RUNX3: variants seen among roughly 807,000 people sequenced by gnomAD.
The protein encoded by RUNX3 is runt-related transcription factor 3.
Under a neutral mutation model 27.7 loss-of-function variants are expected in RUNX3, and 10 were observed. The ratio of observed to expected loss-of-function variants is 0.36; its 90% CI spans 0.22 to 0.61. The LOEUF is 0.61. Among genes scored for constraint, RUNX3 ranks in the 20% least tolerant of loss-of-function variants. RUNX3 has a pLI of 0.72. For missense variants in RUNX3, 469 were observed against 629.5 expected (o/e 0.75, Z 2.73); for synonymous variants, 270 against 269.2 (o/e 1.00, Z -0.03).
rs916855652 is a variant in RUNX3 at position 24,899,950 on chromosome 1, G to C, written c.*2172C>G. The C allele has an allele frequency of 2.6e-5, 4 of 152,458 alleles. No homozygotes were observed. The highest frequency in any genetic ancestry group is 5.9e-5 in the Non-Finnish European group (4 of 68,152). 9.4% of individuals were successfully genotyped at this position (152,458 alleles called of 1,614,324 possible). On this transcript the variant is annotated 3_prime_UTR_variant, in exon 5 of 5. Coordinates refer to ENST00000308873, the MANE Select transcript of RUNX3 (RefSeq NM_004350.3). ...GTACGGCTGCCGTCACTTTTTGTCA[G>C]GGGATGGGGGATGGGGTAGGAAGAG... is the stretch of plus-strand genomic sequence containing the variant.
At chr1:24,942,131 A>C (rs1031296529) in intron 2 of RUNX3, among the ~76,000 whole-genome samples, 2 of 152,074 alleles carry the variant, frequency 1.3e-5, no homozygotes, top group African/African-American at 2.4e-5. Flanking sequence ...TCCTCAGGGG[A>C]AAAGGTTCCC....
chr1:24,957,415 G>A (rs1641969077), intron 2 of RUNX3, among the ~76,000 whole-genome samples: 1 of 152,174 alleles, frequency 6.6e-6, no homozygotes, highest in African/African-American at 2.4e-5. Flanking sequence ...CATTCAGTGA[G>A]AAGGGCTGAA....
upstream of RUNX3, among the ~76,000 whole-genome samples, chr1:24,931,062 G>A (rs1480845011): frequency 1.3e-5 from 2 of 152,256 alleles, no homozygotes; most frequent in Non-Finnish European, 2.9e-5. Flanking sequence ...AACACGACGA[G>A]GCCTGCAAAA....
intron 2 of RUNX3, among the ~76,000 whole-genome samples, chr1:24,944,986 T>C (rs375523772): frequency 6.2e-4 from 95 of 152,350 alleles, no homozygotes; most frequent in African/African-American, 2.2e-3. Context: ...CCTTCCTTGA[T>C]TGACAGTTCC....
At chr1:24,925,516 C>A (rs1392800029) in intron 2 of RUNX3, among the ~76,000 whole-genome samples, 1 of 152,216 alleles carries the variant, frequency 6.6e-6, no homozygotes, top group Non-Finnish European at 1.5e-5. Flanking sequence ...GTACCATTAT[C>A]ATCCCCATCT....
In RUNX3 at chr1:24,962,576, G is replaced by A. The variant is rs552499707; in HGVS notation, c.58+1938C>T. ...AGCAGAAATGAACAGGAGAGAGAAGGCTGAAGAGGGGAGACAGGTCTCCAC... is the reference window on the plus strand; with the variant it reads ...AGCAGAAATGAACAGGAGAGAGAAGACTGAAGAGGGGAGACAGGTCTCCAC... On this transcript the variant is annotated intron_variant, in intron 2 of 6. Transcript: ENST00000338888. This position sits in a 1 kb window ranked among gnomAD's most constrained non-coding sequence, Gnocchi z 4.5. 1.3e-5 allele frequency among the ~76,000 whole-genome samples: 2 copies of A among 152,222 alleles called. No individual in the cohort carries two copies. Among genetic ancestry groups the A allele is most frequent in the Non-Finnish European group, 2.9e-5 (2 of 68,024 alleles).
In RUNX3 at chr1:24,908,173, C is replaced by T. The variant is rs1412375604; in HGVS notation, c.545-756G>A. Among the ~76,000 whole-genome samples, 6 of 119,630 alleles carry T rather than the reference C, an allele frequency of 5.0e-5. 1 individual carries two copies. The highest frequency in any genetic ancestry group is 1.5e-4 in the African/African-American group (4 of 26,578). The allele number at this position is 119,630 out of a possible 152,430, so 78.5% of individuals were successfully genotyped here. On this transcript the variant is annotated intron_variant, in intron 3 of 4. Coordinates refer to ENST00000308873, the MANE Select transcript of RUNX3 (RefSeq NM_004350.3). ...CGAACCTCTACGACACGCGGTGATCCGAAGCTCTACGACACGCGGTGATCC... is the reference window on the plus strand; with the variant it reads ...CGAACCTCTACGACACGCGGTGATCTGAAGCTCTACGACACGCGGTGATCC...
intron 2 of RUNX3, among the ~76,000 whole-genome samples, chr1:24,920,864 G>T (rs538005582): frequency 2.6e-5 from 4 of 151,224 alleles, no homozygotes; most frequent in African/African-American, 9.9e-5. Context: ...CTGGGAGTTT[G>T]GGGGTCTGGG....
intron 3 of RUNX3, among the ~76,000 whole-genome samples, chr1:24,909,131 C>A (rs971631070): frequency 6.6e-6 from 1 of 152,204 alleles, no homozygotes; most frequent in Non-Finnish European, 1.5e-5. Flanking sequence ...CAGGCTCCCA[C>A]CCTCCTGCGG....
At chr1:24,940,001 G>T (rs1641439595) in intron 2 of RUNX3, among the ~76,000 whole-genome samples, 2 of 152,248 alleles carry the variant, frequency 1.3e-5, no homozygotes, top group East Asian at 3.9e-4. Context: ...GCATGGGGAA[G>T]AGCACTGAAA....
chr1:24,930,462 G>A (rs1396369839), upstream of RUNX3, among the ~76,000 whole-genome samples: 3 of 151,790 alleles, frequency 2.0e-5, no homozygotes, highest in South Asian at 6.2e-4. This position sits in a 1 kb window ranked among gnomAD's most constrained non-coding sequence, Gnocchi z 4.1. Context: ...ACCCCGCGGA[G>A]GAGGCCCCAG....
intron 3 of RUNX3, among the ~76,000 whole-genome samples, chr1:24,912,358 C>CCTG (rs1332696027): frequency 1.3e-5 from 2 of 152,328 alleles, no homozygotes; most frequent in East Asian, 3.9e-4. Context: ...ACCACTTCTT[C>CCTG]CTGCTGCTGC....
At chr1:24,909,825 G>A (rs1288047589) in intron 3 of RUNX3, among the ~76,000 whole-genome samples, 4 of 152,198 alleles carry the variant, frequency 2.6e-5, no homozygotes, top group Non-Finnish European at 4.4e-5. Context: ...ACCCTAACAC[G>A]GTCACGGCCA....
intron 2 of RUNX3, among the ~76,000 whole-genome samples, chr1:24,953,858 C>T (rs1468951278): frequency 6.6e-6 from 1 of 152,106 alleles, no homozygotes; most frequent in Non-Finnish European, 1.5e-5. Context: ...AATTTGAATG[C>T]TTCTGGTCCC....
intron 2 of RUNX3, among the ~76,000 whole-genome samples, chr1:24,921,921 T>C (rs1641007823): frequency 1.3e-5 from 2 of 152,324 alleles, no homozygotes; most frequent in Admixed American, 1.3e-4. Context: ...AGGCCTTCCC[T>C]GGTCACTTTA....
Position 24,900,612 on chromosome 1 carries a change from T to G in RUNX3, c.*1510A>C, listed in dbSNP as rs1640519682. On this transcript the variant is annotated 3_prime_UTR_variant, in exon 5 of 5. Coordinates refer to ENST00000308873, the MANE Select transcript of RUNX3 (RefSeq NM_004350.3). ...GAACGCAGTGCAGCTGAGCTGCGGC[T>G]GGAGAGCCCTTTACAGTGCTTCTGT... 6.6e-6 allele frequency: 1 copy of G among 152,412 alleles called. No individual in the cohort carries two copies. Among genetic ancestry groups the G allele is most frequent in the Non-Finnish European group, 1.5e-5 (1 of 68,058 alleles). 9.4% of individuals were successfully genotyped at this position (152,412 alleles called of 1,614,324 possible). A position where few individuals can be genotyped will look rare whatever the true frequency, so the allele number is the denominator to read the frequency against.
At chr1:24,915,605 A>G (rs1294459291) in intron 3 of RUNX3, among the ~76,000 whole-genome samples, 2 of 152,176 alleles carry the variant, frequency 1.3e-5, no homozygotes, top group African/African-American at 4.8e-5. Flanking sequence ...GCTGCTGAGA[A>G]GTGCAGAGGC....
Position 24,902,630 on chromosome 1 carries a change from T to G in RUNX3, c.740A>C (p.Gln247Pro). 1 of 1,529,522 alleles carries G rather than the reference T, an allele frequency of 6.5e-7. No individual in the cohort carries two copies. The highest frequency in any genetic ancestry group is 8.8e-7 in the Non-Finnish European group (1 of 1,135,548). 94.7% of individuals were successfully genotyped at this position (1,529,522 alleles called of 1,614,324 possible). A position where few individuals can be genotyped will look rare whatever the true frequency, so the allele number is the denominator to read the frequency against. The stretch of plus-strand genomic sequence containing the variant: ...CAGCGTGGGGAAGGAGCGGTCAAAC[T>G]GGCGGGGGTCGGAGAATGGGTTCAG... The part of the protein sequence containing the change: ...SELNPFSDPR[Q>P]FDRSFPTLPT... Residue 247 changes from glutamine (Q) to proline (P), a missense_variant, in exon 5 of 5, where the codon CAG becomes CCG. Physicochemically the swap from Gln to Pro is moderately conservative, Grantham distance 76 (BLOSUM62 -1). This residue lies in a region of RUNX3 where 279 missense variants were observed against 343.0 expected (regional missense o/e 0.81). Transcript: ENST00000308873. This position sits in a 1 kb window ranked among gnomAD's most constrained non-coding sequence, Gnocchi z 9.2.
At chr1:24,960,126 C>A (rs1642066514) in intron 2 of RUNX3, among the ~76,000 whole-genome samples, 2 of 152,228 alleles carry the variant, frequency 1.3e-5, no homozygotes, top group Admixed American at 1.3e-4. Context: ...TTTGTCACGC[C>A]CCAGGGCAAT....
Sources: gnomAD v4.1 joint callset for allele counts (sites outside exome capture counted in the v4.1 genomes callset) on GRCh38, gnomAD v4.1.1 for gene constraint, gnomAD v4.1.1 regional missense constraint, Gnocchi (gnomAD v3.1) non-coding constraint, MANE v1.5 for transcripts, NCBI Gene and HGNC (gene_info 2026-07-23, HGNC 2026-07-21) for gene names.